MAPK10: variants seen among roughly 807,000 people sequenced by gnomAD.
The protein encoded by MAPK10 is mitogen-activated protein kinase 10, also known as JNK3 alpha protein kinase.
A neutral mutation model predicts 59.3 loss-of-function variants in MAPK10; 25 were observed. The ratio of observed to expected loss-of-function variants is 0.42; its 90% confidence interval spans 0.31 to 0.59. The LOEUF (loss-of-function observed/expected upper bound fraction) is 0.59, where lower values mean the gene tolerates loss of function less well. MAPK10 is among the 20% of genes least tolerant of loss of function. The pLI, the probability that MAPK10 is intolerant of heterozygous loss-of-function variation, is 0.15. For missense variants in MAPK10, 351 were observed against 568.9 expected (o/e 0.62, Z 3.90); for synonymous variants, 190 against 200.5 (o/e 0.95, Z 0.44).
intron 11 of MAPK10, among the ~76,000 whole-genome samples, chr4:86,053,786 C>A (rs755205549): frequency 3.3e-5 from 5 of 152,132 alleles, no homozygotes; most frequent in Non-Finnish European, 5.9e-5. Context: ...TACACTCTCA[C>A]AAATGCCCAC....
chr4:86,191,384 C>G (rs927370512), intron 3 of MAPK10, among the ~76,000 whole-genome samples: 2 of 151,986 alleles, frequency 1.3e-5, no homozygotes, highest in Non-Finnish European at 2.9e-5. Flanking sequence ...GAGTCTAAGT[C>G]TCCTTGTAGG....
chr4:86,585,450 G>A (rs1480041094), intron 1 of MAPK10, among the ~76,000 whole-genome samples: 1 of 152,154 alleles, frequency 6.6e-6, no homozygotes, highest in Admixed American at 6.6e-5. Context: ...TTGCATTATG[G>A]AAAGTGTTTA....
chr4:86,373,698 C>G (rs543367691), intron 1 of MAPK10, among the ~76,000 whole-genome samples: 66 of 152,282 alleles, frequency 4.3e-4, no homozygotes, highest in African/African-American at 1.6e-3. Flanking sequence ...ATCAAAACCA[C>G]AATGAGATAC....
intron 2 of MAPK10, among the ~76,000 whole-genome samples, chr4:86,341,837 CCGGCAGCT>C (rs1725136895): frequency 2.6e-4 from 16 of 61,562 alleles, no homozygotes; most frequent in Admixed American, 2.0e-3. Flanking sequence ...AAAAAAAACA[CCGGCAGCT>C]ACTGAGCACC....
chr4:86,144,974 C>A (rs549013083), intron 4 of MAPK10, among the ~76,000 whole-genome samples: 3 of 150,524 alleles, frequency 2.0e-5, no homozygotes, highest in African/African-American at 4.9e-5. Context: ...ATTCCCTACC[C>A]GGTAATATGT....
chr4:86,248,059 T>C (rs956474223), intron 2 of MAPK10, among the ~76,000 whole-genome samples: 2 of 152,210 alleles, frequency 1.3e-5, no homozygotes, highest in African/African-American at 4.8e-5. Context: ...GAGTCAAAGC[T>C]GTGTTTCTTT....
intron 4 of MAPK10, chr4:86,119,478 C>A (rs778983539): frequency 2.0e-5 from 3 of 151,808 alleles, no homozygotes; most frequent in Non-Finnish European, 4.4e-5. Context: ...CACCTGTAAT[C>A]CCAGCTACTC....
intron 3 of MAPK10, among the ~76,000 whole-genome samples, chr4:86,168,653 A>C (rs538078005): frequency 5.9e-5 from 9 of 152,234 alleles, no homozygotes; most frequent in Admixed American, 1.3e-4. Context: ...AAACAAAAAG[A>C]CAGCAGTAAC....
intron 1 of MAPK10, among the ~76,000 whole-genome samples, chr4:86,359,290 G>C (rs28406787): frequency 0.31 from 16,809 of 53,872 alleles, 1,763 homozygotes; most frequent in South Asian, 0.4. Context: ...CTCTCTCTCT[G>C]TGTGTGTGTG....
At chr4:86,387,963 T>C (rs1294844080) in intron 1 of MAPK10, among the ~76,000 whole-genome samples, 1 of 148,950 alleles carries the variant, frequency 6.7e-6, no homozygotes, top group African/African-American at 2.4e-5. Context: ...TACAAAAGTA[T>C]CCAGAAAAAA....
chr4:86,199,832 C>T (rs1029601998), intron 2 of MAPK10, among the ~76,000 whole-genome samples: 5 of 151,950 alleles, frequency 3.3e-5, no homozygotes, highest in African/African-American at 1.2e-4. Flanking sequence ...GATGTGTATG[C>T]ACGTTTGGTA....
chr4:86,463,611 C>T (rs1047306022), intron 1 of MAPK10, among the ~76,000 whole-genome samples: 2 of 152,118 alleles, frequency 1.3e-5, no homozygotes, highest in Admixed American at 6.5e-5. Context: ...ACTTGGGGAC[C>T]TTAGTAAATG....
Position 86,288,582 on chromosome 4 carries a change from G to A in MAPK10, c.-7+65948C>T, listed in dbSNP as rs552650857. ...TTAATGCATTGGGGAAACACCAGAG[G>A]TTCCTTGAATTGCTTCTTTAGGGAG... On this transcript the variant is annotated intron_variant, in intron 2 of 13. Transcript: ENST00000641462. 2.0e-5 allele frequency among the ~76,000 whole-genome samples: 3 copies of A among 152,080 alleles called. No individual in the cohort carries two copies. The South Asian group carries it at 6.2e-4, about 32-fold the overall frequency.
intron 1 of MAPK10, among the ~76,000 whole-genome samples, chr4:86,509,534 G>GAT (rs1330329068): frequency 2.7e-5 from 4 of 150,598 alleles, no homozygotes; most frequent in Non-Finnish European, 1.5e-5. Flanking sequence ...AAGAAAACCA[G>GAT]ATCAGCAAAC....
At chr4:86,263,609 A>T (rs535910322) in intron 2 of MAPK10, among the ~76,000 whole-genome samples, 72 of 152,178 alleles carry the variant, frequency 4.7e-4, no homozygotes, top group African/African-American at 1.6e-3. Flanking sequence ...TGTTTTGGAG[A>T]CATAAGCAGG....
At chr4:86,589,863 A>G (rs1762900413) in intron 1 of MAPK10, among the ~76,000 whole-genome samples, 1 of 151,830 alleles carries the variant, frequency 6.6e-6, no homozygotes, top group Non-Finnish European at 1.5e-5. Flanking sequence ...AGGCGCCTAT[A>G]GTCCCAGCTA....
At chr4:86,368,727 A>G (rs1738296424) in intron 1 of MAPK10, among the ~76,000 whole-genome samples, 1 of 152,144 alleles carries the variant, frequency 6.6e-6, no homozygotes, top group Non-Finnish European at 1.5e-5. Flanking sequence ...CAAATACAAA[A>G]TATCTGCCAC....
chr4:86,310,752 C>A (rs1300042879), intron 2 of MAPK10, among the ~76,000 whole-genome samples: 1 of 152,058 alleles, frequency 6.6e-6, no homozygotes, highest in Non-Finnish European at 1.5e-5. Flanking sequence ...GGCTTGCTCT[C>A]TGTTATTTTT....
At chr4:86,234,249 A>G (rs1196536988) in intron 2 of MAPK10, among the ~76,000 whole-genome samples, 1 of 152,156 alleles carries the variant, frequency 6.6e-6, no homozygotes, top group Non-Finnish European at 1.5e-5. Flanking sequence ...AAAAAAATTA[A>G]TGTAAAGATT....
Sources: allele counts gnomAD v4.1 joint callset (sites outside exome capture counted in the v4.1 genomes callset), GRCh38; gene constraint gnomAD v4.1.1; transcripts MANE v1.5; gene names NCBI Gene and HGNC (gene_info 2026-07-23, HGNC 2026-07-21).